The following SLC25A21 variants were observed in gnomAD, a reference collection of about 807,000 sequenced individuals.
SLC25A21 encodes mitochondrial 2-oxodicarboxylate carrier.
SLC25A21 carries 47 observed loss-of-function variants against 43.8 expected under a neutral mutation model. The observed-to-expected ratio is 1.07, with a 90% CI of 0.85 to 1.37. SLC25A21 has a LOEUF of 1.37. Among genes scored for constraint, SLC25A21 ranks in the 40% most tolerant of loss-of-function variants. SLC25A21 has a pLI of 0.00. For synonymous variants in SLC25A21, 131 were observed against 121.3 expected (o/e 1.08, Z -0.52); for missense variants, 352 against 350.2 (o/e 1.00, Z -0.04).
At chr14:37,032,466 G>A (rs1480925073) in intron 1 of SLC25A21, among the ~76,000 whole-genome samples, 1 of 152,124 alleles carries the variant, frequency 6.6e-6, no homozygotes, top group African/African-American at 2.4e-5. Flanking sequence ...AACCCAGGAG[G>A]TGGAGCTTGC....
intron 1 of SLC25A21, among the ~76,000 whole-genome samples, chr14:37,065,782 G>T (rs574411291): frequency 2.0e-5 from 3 of 152,226 alleles, no homozygotes; most frequent in African/African-American, 7.2e-5. Context: ...AAACAATTAT[G>T]CATACTATAT....
chr14:36,820,405 C>T (rs1314891941), intron 2 of SLC25A21, among the ~76,000 whole-genome samples: 2 of 152,130 alleles, frequency 1.3e-5, no homozygotes, highest in African/African-American at 4.8e-5. Context: ...CCAAAGCCAG[C>T]CCTAAGTGCC....
chr14:37,101,663 AT>A (rs567620640), intron 1 of SLC25A21, among the ~76,000 whole-genome samples: 171 of 152,344 alleles, frequency 1.1e-3, no homozygotes, highest in African/African-American at 3.9e-3. Context: ...GTTTGCAAAT[AT>A]TTTTAAGTGA....
At chr14:36,862,873 T>C (rs1890113457) in intron 2 of SLC25A21, among the ~76,000 whole-genome samples, 1 of 152,210 alleles carries the variant, frequency 6.6e-6, no homozygotes, top group Non-Finnish European at 1.5e-5. Flanking sequence ...TTGCATATTA[T>C]ATAGTTATTA....
In SLC25A21 at chr14:36,869,481, G is replaced by A. The variant is rs544308674; in HGVS notation, c.119+5475C>T. Among the ~76,000 whole-genome samples, 5 of 152,268 alleles carry A rather than the reference G, an allele frequency of 3.3e-5. No homozygotes were observed. In the East Asian group the frequency reaches 9.7e-4, roughly 30 times the overall value. ...GCTGCACTCTAAGTACCTAAAGAAG[G>A]GATTGCCAGGAAAGACCCTGGGATA... On this transcript the variant is annotated intron_variant, in intron 2 of 9. Coordinates refer to ENST00000331299, the MANE Select transcript of SLC25A21 (RefSeq NM_030631.4).
At chr14:37,138,693 T>C (rs11622236) in intron 1 of SLC25A21, among the ~76,000 whole-genome samples, 81,326 of 151,880 alleles carry the variant, frequency 0.54, 25,004 homozygotes, top group Non-Finnish European at 0.68. Context: ...TTCATTGAAA[T>C]GTTAAATATT....
chr14:37,123,351 A>G (rs1001329829), intron 1 of SLC25A21, among the ~76,000 whole-genome samples: 1 of 152,210 alleles, frequency 6.6e-6, no homozygotes, highest in African/African-American at 2.4e-5. Flanking sequence ...AACTGACAAG[A>G]AAAGAACGTT....
intron 1 of SLC25A21, among the ~76,000 whole-genome samples, chr14:36,968,728 T>G (rs1183791102): frequency 1.3e-5 from 2 of 152,138 alleles, no homozygotes; most frequent in Admixed American, 6.5e-5. Context: ...GCCTCCCCGG[T>G]ATGAGAATGG....
intron 3 of SLC25A21, among the ~76,000 whole-genome samples, chr14:36,802,314 G>A (rs1255579941): frequency 2.6e-5 from 4 of 152,040 alleles, no homozygotes; most frequent in Non-Finnish European, 5.9e-5. Context: ...AGAACTATGT[G>A]ATACACTATA....
chr14:37,163,148 G>A (rs1407299261), intron 1 of SLC25A21, among the ~76,000 whole-genome samples: 1 of 151,652 alleles, frequency 6.6e-6, no homozygotes, highest in Non-Finnish European at 1.5e-5. Context: ...TTGTGGGGTG[G>A]GGGGATGGGG....
intron 1 of SLC25A21, among the ~76,000 whole-genome samples, chr14:36,880,949 G>C (rs1890702131): frequency 6.6e-6 from 1 of 152,198 alleles, no homozygotes; most frequent in Non-Finnish European, 1.5e-5. Flanking sequence ...AAGGATGCTT[G>C]AAAGCCTGAA....
intron 1 of SLC25A21, among the ~76,000 whole-genome samples, chr14:37,053,509 C>A (rs560547866): frequency 6.6e-6 from 1 of 152,154 alleles, no homozygotes; most frequent in African/African-American, 2.4e-5. Flanking sequence ...AATGTAGATA[C>A]AGTAGAACAA....
chr14:37,026,482 T>G (rs534002414), intron 1 of SLC25A21, among the ~76,000 whole-genome samples: 1 of 152,114 alleles, frequency 6.6e-6, no homozygotes, highest in Admixed American at 6.6e-5. Flanking sequence ...TTCCACATAT[T>G]TTTGCATCTA....
intron 1 of SLC25A21, among the ~76,000 whole-genome samples, chr14:37,078,272 G>A (rs1962321103): frequency 6.6e-6 from 1 of 152,136 alleles, no homozygotes; most frequent in Admixed American, 6.5e-5. Context: ...AGGTTTCACT[G>A]CTGGGTTAGC....
intron 1 of SLC25A21, among the ~76,000 whole-genome samples, chr14:37,084,769 A>G (rs1962452878): frequency 1.3e-5 from 2 of 152,194 alleles, no homozygotes; most frequent in African/African-American, 4.8e-5. Flanking sequence ...GCTATAGACT[A>G]CATAAAAAAC....
intron 1 of SLC25A21, among the ~76,000 whole-genome samples, chr14:37,083,846 A>G (rs1962433350): frequency 6.6e-6 from 1 of 152,202 alleles, no homozygotes; most frequent in Non-Finnish European, 1.5e-5. Flanking sequence ...TACACTATAC[A>G]TACTACTCGG....
chr14:36,839,501 T>C (rs1889313984), intron 2 of SLC25A21, among the ~76,000 whole-genome samples: 1 of 152,216 alleles, frequency 6.6e-6, no homozygotes, highest in East Asian at 1.9e-4. Flanking sequence ...CACTATAGCA[T>C]TAAGTGACAC....
At chr14:36,805,072 T>C (rs1176102963) in intron 3 of SLC25A21, among the ~76,000 whole-genome samples, 1 of 152,214 alleles carries the variant, frequency 6.6e-6, no homozygotes, top group Non-Finnish European at 1.5e-5. Flanking sequence ...GCTCAGGCTC[T>C]GAATTGAGAC....
chr14:36,995,150 T>A (rs1379360045), intron 1 of SLC25A21, among the ~76,000 whole-genome samples: 1 of 152,150 alleles, frequency 6.6e-6, no homozygotes, highest in African/African-American at 2.4e-5. Flanking sequence ...GAAGTGGTGC[T>A]GACTTATCCA....
Sources: allele counts gnomAD v4.1 joint callset (sites outside exome capture counted in the v4.1 genomes callset), GRCh38; gene constraint gnomAD v4.1.1; transcripts MANE v1.5; gene names NCBI Gene and HGNC (gene_info 2026-07-23, HGNC 2026-07-21).